Variants in DCC observed in about 807,000 individuals in gnomAD.
DCC encodes netrin receptor DCC.
In DCC, 58 loss-of-function variants were observed where a neutral mutation model predicts 172.5. That is an observed-to-expected ratio of 0.34 (90% CI 0.27 to 0.42). The LOEUF is 0.42. Ranked by LOEUF, DCC falls within the 10% of genes least tolerant of loss-of-function variation. DCC has a pLI of 1.00. For missense variants in DCC, 1,740 were observed against 1,791.0 expected (o/e 0.97, Z 0.51); for synonymous variants, 709 against 644.5 (o/e 1.10, Z -1.52).
intron 5 of DCC, among the ~76,000 whole-genome samples, chr18:53,043,234 G>T (rs73463181): frequency 1.3e-5 from 2 of 150,844 alleles, no homozygotes; most frequent in Non-Finnish European, 3.0e-5. Context: ...ACCAAACAGC[G>T]CATGTTCTCC....
chr18:53,168,563 C>T (rs2054961209), intron 8 of DCC, among the ~76,000 whole-genome samples: 2 of 3,936 alleles, frequency 5.1e-4, no homozygotes, highest in African/African-American at 1.9e-3. Flanking sequence ...TGGGGTCTGT[C>T]TGGGGGCGGG....
At position 53,215,473 on chromosome 18, in the gene DCC, C is replaced by G. The variant is rs553128914; in HGVS notation, c.1862-75C>G. The G allele has an allele frequency of 3.3e-6, 4 of 1,200,740 alleles. No homozygotes were observed. In the East Asian group the frequency reaches 7.0e-5, roughly 21 times the overall value. 74.4% of individuals were successfully genotyped at this position (1,200,740 alleles called of 1,614,324 possible). On this transcript the variant is annotated intron_variant, in intron 11 of 28. Coordinates refer to ENST00000442544, the MANE Select transcript of DCC (RefSeq NM_005215.4). ...AACTATATAAACAAAACCACACTCT[C>G]TTTTTACTAGACAGGTGGTATTTTT... is the stretch of plus-strand genomic sequence containing the variant.
intron 7 of DCC, among the ~76,000 whole-genome samples, chr18:53,086,044 C>T (rs111806031): frequency 0.047 from 13 of 276 alleles, no homozygotes; most frequent in African/African-American, 0.12. Flanking sequence ...CTCCCTCTCC[C>T]TCTCCTTCTC....
chr18:53,042,762 C>T (rs2042187281), intron 5 of DCC, among the ~76,000 whole-genome samples: 1 of 151,968 alleles, frequency 6.6e-6, no homozygotes, highest in Non-Finnish European at 1.5e-5. Flanking sequence ...AAATGAGATA[C>T]TATCTCATGC....
At chr18:53,513,633 T>C (rs1198280486) in intron 27 of DCC, among the ~76,000 whole-genome samples, 3 of 151,178 alleles carry the variant, frequency 2.0e-5, no homozygotes, top group Non-Finnish European at 4.4e-5. Context: ...ACCAAGCAAA[T>C]GGAAAACAAA....
chr18:53,121,020 G>A (rs1235855150), intron 7 of DCC, among the ~76,000 whole-genome samples: 2 of 151,784 alleles, frequency 1.3e-5, no homozygotes, highest in Non-Finnish European at 2.9e-5. Flanking sequence ...TTATCATTAA[G>A]GAAACAAAAT....
chr18:52,398,595 A>G (rs1028359117), intron 1 of DCC, among the ~76,000 whole-genome samples: 4 of 151,976 alleles, frequency 2.6e-5, no homozygotes, highest in African/African-American at 9.7e-5. Flanking sequence ...GGAAGAATAC[A>G]GAGAGGCAAC....
At chr18:53,132,620 A>T (rs1017145434) in intron 7 of DCC, among the ~76,000 whole-genome samples, 3 of 152,170 alleles carry the variant, frequency 2.0e-5, no homozygotes, top group African/African-American at 7.2e-5. Flanking sequence ...TATCCATAGC[A>T]GCAGTGCCTC....
intron 24 of DCC, 56 bp downstream of exon 24, chr18:53,459,514 T>C (rs1181645269): frequency 1.4e-5 from 16 of 1,127,842 alleles, no homozygotes; most frequent in Non-Finnish European, 1.9e-5. Context: ...CCCAAGGGAG[T>C]TTTTCACTCC....
intron 12 of DCC, among the ~76,000 whole-genome samples, chr18:53,260,865 A>G (rs1051472459): frequency 5.3e-5 from 8 of 152,040 alleles, no homozygotes; most frequent in Admixed American, 2.0e-4. Context: ...TTCGAGCTTC[A>G]GGGCCGCTTT....
intron 1 of DCC, among the ~76,000 whole-genome samples, chr18:52,459,928 T>TAC (rs1988580563): frequency 6.6e-6 from 1 of 151,854 alleles, no homozygotes; most frequent in African/African-American, 2.4e-5. Flanking sequence ...CATATATATA[T>TAC]ACACACCACA....
At chr18:52,857,996 T>C (rs771080486) in intron 2 of DCC, among the ~76,000 whole-genome samples, 13 of 152,208 alleles carry the variant, frequency 8.5e-5, no homozygotes, top group Admixed American at 2.0e-4. Context: ...AAGGGGGAAT[T>C]AAAATGACTT....
intron 21 of DCC, among the ~76,000 whole-genome samples, chr18:53,421,062 TCCC>T (rs1568120556): frequency 6.6e-5 from 10 of 152,156 alleles, no homozygotes; most frequent in Non-Finnish European, 1.5e-4. Context: ...TTTTAGAAAA[TCCC>T]TTTGTTTTGA....
intron 2 of DCC, among the ~76,000 whole-genome samples, chr18:52,838,494 C>T (rs922423360): frequency 6.6e-5 from 10 of 151,890 alleles, no homozygotes; most frequent in African/African-American, 1.4e-4. Context: ...TAGAAGATGC[C>T]GGGGTGTGGT....
chr18:52,778,786 C>T lies in DCC; in HGVS notation c.412+26412C>T, dbSNP rs187922931. On this transcript the variant is annotated intron_variant, in intron 2 of 28. Transcript: ENST00000442544. The stretch of plus-strand genomic sequence containing the variant: ...TCAAGATATTCTGTTTTATTATCCT[C>T]TAAAAGTTTTGTCACTTTATTTTCC... Among the ~76,000 whole-genome samples, 587 of 152,274 alleles carry T rather than the reference C, an allele frequency of 3.9e-3. 7 individuals are homozygous for T. Among genetic ancestry groups the T allele is most frequent in the African/African-American group, 0.014 (572 of 41,548 alleles).
chr18:52,696,232 T>G (rs965345612), intron 1 of DCC, among the ~76,000 whole-genome samples: 5 of 152,242 alleles, frequency 3.3e-5, no homozygotes, highest in African/African-American at 1.2e-4. Context: ...GAATCATATG[T>G]GACCTTGAAG....
chr18:53,105,012 C>A (rs2043224519), intron 7 of DCC, among the ~76,000 whole-genome samples: 1 of 151,976 alleles, frequency 6.6e-6, no homozygotes. Flanking sequence ...AGTTTTCATG[C>A]ATGCATTTAA....
At chr18:52,983,962 G>T (rs2041252083) in intron 5 of DCC, among the ~76,000 whole-genome samples, 1 of 151,944 alleles carries the variant, frequency 6.6e-6, no homozygotes, top group South Asian at 2.1e-4. Flanking sequence ...AAGCAAAGAC[G>T]ATTTTTCCAG....
intron 27 of DCC, among the ~76,000 whole-genome samples, chr18:53,509,446 C>T (rs191885162): frequency 6.6e-6 from 1 of 152,284 alleles, no homozygotes; most frequent in East Asian, 1.9e-4. Context: ...TATGAAAAGG[C>T]AGATTTAGAT....
Sources: gnomAD v4.1 joint callset for allele counts (sites outside exome capture counted in the v4.1 genomes callset) on GRCh38, gnomAD v4.1.1 for gene constraint, MANE v1.5 for transcripts, NCBI Gene and HGNC (gene_info 2026-07-23, HGNC 2026-07-21) for gene names.